RIT1: variants seen among roughly 807,000 people sequenced by gnomAD.
RIT1 encodes the protein Ras like without CAAX 1.
Under a neutral mutation model 25.6 loss-of-function variants are expected in RIT1, and 6 were observed. That is an observed-to-expected ratio of 0.23 (90% CI 0.13 to 0.46). The LOEUF is 0.46. Ranked by LOEUF, RIT1 falls within the 20% of genes least tolerant of loss-of-function variation. The probability of loss-of-function intolerance (pLI) is 0.99; values close to 1 mark genes in which losing one functional copy is unlikely to be tolerated. For synonymous variants in RIT1, 81 were observed against 94.1 expected, an observed-to-expected ratio of 0.86 and a Z score of 0.80; for missense variants, 219 against 284.4, an observed-to-expected ratio of 0.77 and a Z score of 1.65.
chr1:155,902,189 G>A lies in RIT1; in HGVS notation c.430-1571C>T, dbSNP rs964453292. Among the ~76,000 whole-genome samples, 4 of 152,156 alleles carry A rather than the reference G, an allele frequency of 2.6e-5. No individual in the cohort carries two copies. The East Asian group carries it at 7.7e-4, about 29-fold the overall frequency. On this transcript the variant is annotated intron_variant, in intron 5 of 5. Transcript: ENST00000368323. ...TATATCTCATCACAGTGCCAGCCCT[G>A]TTTTTAGCCGGAAAGGATTCAGGAG...
At position 155,900,368 on chromosome 1, in the gene RIT1, A is replaced by C; in HGVS notation, c.*20T>G. On this transcript the variant is annotated 3_prime_UTR_variant, in exon 6 of 6. Transcript: ENST00000368323. ...TGATACAGCACTGCAGTTCACAGATAAACACTTCACATCTTCTCTTCAAGT... is the reference window on the plus strand; with the variant it reads ...TGATACAGCACTGCAGTTCACAGATCAACACTTCACATCTTCTCTTCAAGT... The C allele has an allele frequency of 6.3e-7, 1 of 1,578,988 alleles. No homozygotes were observed. The highest frequency in any genetic ancestry group is 8.7e-7 in the Non-Finnish European group (1 of 1,148,522).
At chr1:155,902,908 A>G (rs1322086315) in intron 5 of RIT1, among the ~76,000 whole-genome samples, 3 of 151,944 alleles carry the variant, frequency 2.0e-5, no homozygotes, top group African/African-American at 7.3e-5. Context: ...CACGCCTGTA[A>G]TCCCAGCACT....
intron 1 of RIT1, 185 bp downstream of exon 1, chr1:155,911,058 A>G: frequency 2.4e-6 from 2 of 842,096 alleles, no homozygotes; most frequent in Non-Finnish European, 3.7e-6. Context: ...AGATACAAAT[A>G]AATTTACGTC....
intron 3 of RIT1, among the ~76,000 whole-genome samples, chr1:155,906,123 C>A (rs1191086939): frequency 2.6e-5 from 4 of 152,006 alleles, no homozygotes; most frequent in Admixed American, 2.6e-4. Flanking sequence ...GCCACTGCAC[C>A]CGGTCTAACT....
At chr1:155,907,650 G>A (rs1434221881) in intron 3 of RIT1, among the ~76,000 whole-genome samples, 1 of 152,190 alleles carries the variant, frequency 6.6e-6, no homozygotes, top group Non-Finnish European at 1.5e-5. Context: ...AGAAACTCAA[G>A]AACAGAAACC....
At chr1:155,906,852 T>C (rs1673453686) in intron 3 of RIT1, among the ~76,000 whole-genome samples, 1 of 150,236 alleles carries the variant, frequency 6.7e-6, no homozygotes, top group African/African-American at 2.5e-5. Flanking sequence ...ACGCCTGTAA[T>C]CTCAGTGCTT....
intron 3 of RIT1, among the ~76,000 whole-genome samples, chr1:155,909,582 CTTT>C (rs1435198320): frequency 1.3e-5 from 2 of 152,020 alleles, no homozygotes; most frequent in Admixed American, 1.3e-4. Flanking sequence ...AACAAAATGA[CTTT>C]TTTACTCTAT....
At position 155,908,222 on chromosome 1, in the gene RIT1, A is replaced by G. The variant is rs1359867140; in HGVS notation, c.163+2228T>C. ...TGTAATCCCAGCACTTTGGGAGGCCAAGGCAGACAGATCACGAGGTCAGGA... is the reference window on the plus strand; with the variant it reads ...TGTAATCCCAGCACTTTGGGAGGCCGAGGCAGACAGATCACGAGGTCAGGA... On this transcript the variant is annotated intron_variant, in intron 3 of 5. Coordinates refer to ENST00000368323, the MANE Select transcript of RIT1 (RefSeq NM_006912.6). 4.0e-5 allele frequency among the ~76,000 whole-genome samples: 6 copies of G among 148,440 alleles called. No individual in the cohort carries two copies. The East Asian group carries it at 8.4e-4, about 21-fold the overall frequency.
At chr1:155,900,711 T>G in intron 5 of RIT1, 93 bp from the exon 6 acceptor site, 1 of 1,006,344 alleles carries the variant, frequency 9.9e-7, no homozygotes, top group Non-Finnish European at 1.5e-6. Context: ...CAAAGAAAGC[T>G]TCTCAATTCT....
intron 3 of RIT1, among the ~76,000 whole-genome samples, chr1:155,906,023 T>G (rs543317468): frequency 6.3e-4 from 96 of 152,196 alleles, no homozygotes; most frequent in Non-Finnish European, 1.1e-3. Flanking sequence ...TAGACAGGGT[T>G]TCACCATGTT....
chr1:155,904,590 G>C (rs776195492), intron 4 of RIT1, 88 bp from the exon 5 acceptor site: 1 of 1,308,200 alleles, frequency 7.6e-7, no homozygotes. Flanking sequence ...TAAAGAAAAC[G>C]CATGTCGATT....
rs1227565305 is a variant in RIT1, at chr1:155,899,286, T to C, written c.*1102A>G. The C allele has an allele frequency of 9.5e-6, 2 of 209,946 alleles. No individual in the cohort carries two copies. The highest frequency in any genetic ancestry group is 1.4e-4 in the East Asian group (2 of 13,960). 13.0% of individuals were successfully genotyped at this position (209,946 alleles called of 1,614,324 possible). ...AAATCTTCAGATGGGAAACTCCACC[T>C]ATGTGAATTTTAAAGCTTTAAGACT... On this transcript the variant is annotated 3_prime_UTR_variant, in exon 6 of 6. Coordinates refer to ENST00000368323, the MANE Select transcript of RIT1 (RefSeq NM_006912.6).
In RIT1 at chr1:155,898,207, C is replaced by A. The variant is rs762245892; in HGVS notation, c.*2181G>T. ...ATACCTGTCAAGCTACCTAGCACCA[C>A]GAATAGAACTAATATTAATGGATGG... On this transcript the variant is annotated 3_prime_UTR_variant, in exon 6 of 6. Coordinates refer to ENST00000368323, the MANE Select transcript of RIT1 (RefSeq NM_006912.6). 6.6e-6 allele frequency: 1 copy of A among 152,058 alleles called. No individual in the cohort carries two copies. Among genetic ancestry groups the A allele is most frequent in the East Asian group, 1.9e-4 (1 of 5,332 alleles). The allele number at this position is 152,058 out of a possible 1,614,324, so 9.4% of individuals were successfully genotyped here.
chr1:155,910,440 T>A lies in RIT1; in HGVS notation c.163+10A>T, dbSNP rs758651076. 1.2e-6 allele frequency: 2 copies of A among 1,609,526 alleles called. No homozygotes were observed. The highest frequency in any genetic ancestry group is 1.1e-5 in the South Asian group (1 of 90,966). On this transcript the variant is annotated intron_variant, in intron 3 of 5. Coordinates refer to ENST00000368323, the MANE Select transcript of RIT1 (RefSeq NM_006912.6). Reference sequence around the variant, plus strand: ...GTATATTTGGAAACATAAGTGATGATCTGGCTTACCAATGGTGGGATCATG... The same window carrying A: ...GTATATTTGGAAACATAAGTGATGAACTGGCTTACCAATGGTGGGATCATG...
chr1:155,901,962 A>C (rs1335499687), intron 5 of RIT1, among the ~76,000 whole-genome samples: 1 of 152,190 alleles, frequency 6.6e-6, no homozygotes, highest in African/African-American at 2.4e-5. Context: ...CTAAAATAAG[A>C]AAGAAACACT....
intron 4 of RIT1, 34 bp downstream of exon 4, chr1:155,904,697 A>G (rs1451217160): frequency 1.3e-6 from 2 of 1,500,376 alleles, no homozygotes; most frequent in East Asian, 4.5e-5. Context: ...TAGAGTAAAA[A>G]AGCCTTTACT....
Position 155,910,956 on chromosome 1 carries a change from C to G in RIT1, c.-43-152G>C. On this transcript the variant is annotated intron_variant, in intron 1 of 5. Transcript: ENST00000368323. ...CACCACTGCACCCTTTCGGGTGGCC[C>G]TAAGAAACCCCCCCATCTTCACCCT... The G allele has an allele frequency of 9.1e-6, 13 of 1,425,506 alleles. No homozygotes were observed. In the East Asian group the frequency reaches 3.6e-4, roughly 40 times the overall value. 88.3% of individuals were successfully genotyped at this position (1,425,506 alleles called of 1,614,324 possible).
chr1:155,902,409 G>A (rs1394040016), intron 5 of RIT1, among the ~76,000 whole-genome samples: 6 of 150,462 alleles, frequency 4.0e-5, no homozygotes, highest in African/African-American at 7.3e-5. Flanking sequence ...GGTGGCAGGC[G>A]CCTGTAATCC....
chr1:155,901,288 C>T (rs557013903), intron 5 of RIT1, among the ~76,000 whole-genome samples: 6 of 152,100 alleles, frequency 3.9e-5, no homozygotes, highest in Non-Finnish European at 5.9e-5. Context: ...TTGCTTGAGC[C>T]CAGGAACTTG....
Sources: allele counts gnomAD v4.1 joint callset (sites outside exome capture counted in the v4.1 genomes callset), GRCh38; gene constraint gnomAD v4.1.1; transcripts MANE v1.5; gene names NCBI Gene and HGNC (gene_info 2026-07-23, HGNC 2026-07-21).